ZBBX: variants seen among roughly 807,000 people sequenced by gnomAD.
The protein encoded by ZBBX is zinc finger B-box domain-containing protein 1.
A neutral mutation model predicts 108.5 loss-of-function variants in ZBBX; 101 were observed. That is an observed-to-expected ratio of 0.93 (90% CI 0.79 to 1.10). ZBBX has a LOEUF of 1.10. ZBBX is among the 50% of genes least tolerant of loss of function. ZBBX has a pLI of 0.00. For synonymous variants in ZBBX, 356 were observed against 323.4 expected (o/e 1.10, Z -1.08); for missense variants, 1,009 against 941.4 (o/e 1.07, Z -0.94).
chr3:167,283,253 T>C (rs1729120826), intron 19 of ZBBX, among the ~76,000 whole-genome samples: 1 of 152,196 alleles, frequency 6.6e-6, no homozygotes, highest in Non-Finnish European at 1.5e-5. Flanking sequence ...TCAAATCTTA[T>C]ACTAACACAA....
In ZBBX at chr3:167,282,457, G is replaced by A. The variant is rs779201332; in HGVS notation, c.2035C>T (p.Leu679Phe). Residue 679 changes from leucine to phenylalanine, a missense_variant, in exon 20 of 22, where the codon CTT (leucine) becomes TTT (phenylalanine). By Grantham distance (22) the Leu-to-Phe change is conservative (BLOSUM62 0). Transcript: ENST00000675490. ...SQRPSTANFP[L>F]SNSVKESSSC... is the part of the protein sequence containing the mutation. Reference sequence around the variant, plus strand: ...GAGCTTTCTTTAACAGAGTTGGAAAGTGGAAAATTTGCTGTTGAAGGTCTC... The same window carrying A: ...GAGCTTTCTTTAACAGAGTTGGAAAATGGAAAATTTGCTGTTGAAGGTCTC... 1 of 1,613,366 alleles carries A rather than the reference G, an allele frequency of 6.2e-7. No homozygotes were observed. The highest frequency in any genetic ancestry group is 1.7e-5 in the Admixed American group (1 of 59,832).
Position 167,305,818 on chromosome 3 carries a change from T to G in ZBBX, c.1550A>C (p.Gln517Pro), listed in dbSNP as rs766481287. Reference sequence around the variant, plus strand: ...TGATACACAGGAATCATCAGACTTTTGATTACTTTCTAAACCTATATTTTT... The same window carrying G: ...TGATACACAGGAATCATCAGACTTTGGATTACTTTCTAAACCTATATTTTT... ...KEKNIGLESN[Q>P]KSDDSCVSLE... The change falls in exon 17 of 22, where the codon CAA (glutamine) becomes CCA (proline). Residue 517 changes from glutamine to proline, a missense_variant. Coordinates refer to ENST00000675490, the MANE Select transcript of ZBBX (RefSeq NM_001199201.2). 8.7e-6 allele frequency: 14 copies of G among 1,612,748 alleles called. No individual in the cohort carries two copies. The highest frequency in any genetic ancestry group is 1.2e-5 in the Non-Finnish European group (14 of 1,179,364).
In ZBBX at chr3:167,333,847, G is replaced by A. The variant is rs73879671; in HGVS notation, c.667C>T (p.Leu223Phe). ...TTTACCTCAGAGCTGCTCCTCTGGA[G>A]AAGTACAGATTTGGGTTTATGTTGA... Reference protein sequence around the residue: ...KIQHKPKSVLLQRSSSEVEIT... With the variant: ...KIQHKPKSVLFQRSSSEVEIT... The change falls in exon 10 of 22, where the codon CTC (leucine) becomes TTC (phenylalanine). Residue 223 changes from leucine (L) to phenylalanine (F), a missense_variant. Leu to Phe is a conservative substitution (Grantham distance 22, BLOSUM62 0). Coordinates refer to ENST00000675490, the MANE Select transcript of ZBBX (RefSeq NM_001199201.2). 831 of 1,608,300 alleles carry A rather than the reference G, an allele frequency of 5.2e-4. 6 individuals are homozygous for A. The African/African-American group carries it at 9.7e-3, about 19-fold the overall frequency.
At chr3:167,290,277 G>A (rs919667614) in intron 18 of ZBBX, among the ~76,000 whole-genome samples, 1 of 152,194 alleles carries the variant, frequency 6.6e-6, no homozygotes, top group Non-Finnish European at 1.5e-5. Flanking sequence ...TCCCAGCAGA[G>A]GCCGACAGAC....
chr3:167,256,515 T>C (rs1447534627), intron 20 of ZBBX, among the ~76,000 whole-genome samples: 1 of 152,108 alleles, frequency 6.6e-6, no homozygotes, highest in Non-Finnish European at 1.5e-5. Flanking sequence ...TTATTGACTA[T>C]AGTAACCCTG....
At chr3:167,317,687 G>T in intron 12 of ZBBX, 90 bp from the exon 13 acceptor site, 1 of 752,156 alleles carries the variant, frequency 1.3e-6, no homozygotes, top group South Asian at 2.0e-5. Context: ...TCAAATGAAT[G>T]AGTATACAAA....
At chr3:167,348,522 A>T (rs756138008) in intron 9 of ZBBX, among the ~76,000 whole-genome samples, 4 of 151,998 alleles carry the variant, frequency 2.6e-5, no homozygotes, top group Non-Finnish European at 4.4e-5. Flanking sequence ...GAAGTGATAG[A>T]AACATTCATT....
chr3:167,337,228 C>G (rs913771770), intron 9 of ZBBX, among the ~76,000 whole-genome samples: 2 of 152,050 alleles, frequency 1.3e-5, no homozygotes, highest in South Asian at 4.1e-4. Flanking sequence ...CTGATAAAAG[C>G]TTATTTAGGC....
chr3:167,320,158 T>A (rs1181976744), intron 12 of ZBBX, among the ~76,000 whole-genome samples: 1 of 151,482 alleles, frequency 6.6e-6, no homozygotes, highest in African/African-American at 2.4e-5. Context: ...GAACCAGTAT[T>A]TTTTAGAAAA....
chr3:167,310,023 T>C (rs748014629), intron 16 of ZBBX, among the ~76,000 whole-genome samples: 1 of 152,204 alleles, frequency 6.6e-6, no homozygotes, highest in Non-Finnish European at 1.5e-5. Flanking sequence ...ACATCTTGAA[T>C]GCTTTGTTTT....
At chr3:167,208,735 C>G in the ZBBX span, among the ~76,000 whole-genome samples, 1 of 152,094 alleles carries the variant, frequency 6.6e-6, no homozygotes, top group African/African-American at 2.4e-5. Context: ...CAGTGCATAC[C>G]CAGCTGTGAT....
In ZBBX at chr3:167,250,596, G is replaced by A. The variant is rs76941010; in HGVS notation, c.2255-7953C>T. Among the ~76,000 whole-genome samples, 128 of 150,810 alleles carry A rather than the reference G, an allele frequency of 8.5e-4. No individual in the cohort carries two copies. The East Asian group carries it at 0.018, about 22-fold the overall frequency. On this transcript the variant is annotated intron_variant, in intron 20 of 21. Transcript: ENST00000675490. ...AATCCAAATGGTCAACCGGAGCCTC[G>A]AAAGATGGCTCCCCTTGTCTAGGAA...
intron 12 of ZBBX, among the ~76,000 whole-genome samples, chr3:167,319,157 T>C (rs1010741705): frequency 6.6e-6 from 1 of 151,978 alleles, no homozygotes; most frequent in Non-Finnish European, 1.5e-5. Context: ...TATGAAAATA[T>C]TTTTAAAGGA....
chr3:167,261,251 C>G (rs1352443462), intron 20 of ZBBX, among the ~76,000 whole-genome samples: 1 of 152,098 alleles, frequency 6.6e-6, no homozygotes, highest in Non-Finnish European at 1.5e-5. Flanking sequence ...GTGCAATGGA[C>G]TCTGTGAGGT....
rs539105474 is a variant in ZBBX at position 167,329,073 on chromosome 3, C to T, written c.688-957G>A. ...CAGTGGAATGAATGAAGAAGTTCAT[C>T]GATGCATGTAATACAATGCATGCTC... On this transcript the variant is annotated intron_variant, in intron 10 of 21. Coordinates refer to ENST00000675490, the MANE Select transcript of ZBBX (RefSeq NM_001199201.2). Among the ~76,000 whole-genome samples the T allele has an allele frequency of 1.4e-4, 22 of 152,238 alleles. No homozygotes were observed. The South Asian group carries it at 1.9e-3, about 13-fold the overall frequency.
intron 16 of ZBBX, among the ~76,000 whole-genome samples, chr3:167,311,154 T>C (rs1364641116): frequency 3.9e-5 from 6 of 152,160 alleles, no homozygotes; most frequent in African/African-American, 1.4e-4. Context: ...TAGACCTATA[T>C]AAATACAGTC....
At chr3:167,369,682 T>A (rs1350826325) in intron 4 of ZBBX, among the ~76,000 whole-genome samples, 1 of 152,136 alleles carries the variant, frequency 6.6e-6, no homozygotes, top group Non-Finnish European at 1.5e-5. Context: ...AATTGAAATA[T>A]AGTGGAATAG....
chr3:167,386,456 A>G (rs939316505), intron 1 of ZBBX, among the ~76,000 whole-genome samples: 1 of 152,206 alleles, frequency 6.6e-6, no homozygotes, highest in East Asian at 1.9e-4. Context: ...AATTCTTTTA[A>G]ACAGCAGTAG....
chr3:167,254,540 G>T (rs1723138461), intron 20 of ZBBX, among the ~76,000 whole-genome samples: 1 of 152,062 alleles, frequency 6.6e-6, no homozygotes, highest in African/African-American at 2.4e-5. Context: ...AGACAAGCTT[G>T]AGATAATGAT....
Sources: allele counts gnomAD v4.1 joint callset (sites outside exome capture counted in the v4.1 genomes callset), GRCh38; gene constraint gnomAD v4.1.1; transcripts MANE v1.5; gene names NCBI Gene and HGNC (gene_info 2026-07-23, HGNC 2026-07-21).